Variants in ANLN observed in about 807,000 individuals in gnomAD.
ANLN encodes anillin.
A neutral mutation model predicts 135.1 loss-of-function variants in ANLN; 59 were observed. The observed-to-expected ratio is 0.44, with a 90% CI of 0.35 to 0.54. ANLN has a LOEUF of 0.54. Among genes scored for constraint, ANLN ranks in the 20% least tolerant of loss-of-function variants. The pLI, the probability that ANLN is intolerant of heterozygous loss-of-function variation, is 0.00. For synonymous variants in ANLN, 406 were observed against 456.4 expected (o/e 0.89, Z 1.41); for missense variants, 1,182 against 1,340.0 (o/e 0.88, Z 1.84).
chr7:36,405,292 A>T (rs1171894598), intron 3 of ANLN, among the ~76,000 whole-genome samples: 2 of 152,232 alleles, frequency 1.3e-5, no homozygotes, highest in East Asian at 3.8e-4. Context: ...ATGTACACAT[A>T]ACAAAATCAC....
At chr7:36,404,252 G>A (rs532655062) in intron 3 of ANLN, among the ~76,000 whole-genome samples, 1 of 152,156 alleles carries the variant, frequency 6.6e-6, no homozygotes, top group African/African-American at 2.4e-5. Context: ...TTACAGGCAC[G>A]GGCCCTTTGC....
rs747777773 is a variant in ANLN, at chr7:36,415,746, C to T, written c.1396-12C>T. On this transcript the variant is annotated splice_polypyrimidine_tract_variant and intron_variant, in intron 7 of 23. Coordinates refer to ENST00000265748, the MANE Select transcript of ANLN (RefSeq NM_018685.5). The stretch of plus-strand genomic sequence containing the variant: ...TGAGAAATAAAATTTACTTTTCATT[C>T]GCTTTTTGCAGGAAACTCACTGTCA... The T allele has an allele frequency of 8.9e-6, 14 of 1,566,382 alleles. No homozygotes were observed. In the Admixed American group the frequency reaches 1.7e-4, roughly 19 times the overall value.
intron 20 of ANLN, among the ~76,000 whole-genome samples, chr7:36,431,306 T>C (rs7789266): frequency 0.1 from 15,878 of 152,038 alleles, 977 homozygotes; most frequent in East Asian, 0.22. Flanking sequence ...TTTATACTTT[T>C]TGTCTTAGAA....
In ANLN at chr7:36,452,774, T is replaced by C. The variant is rs903435877; in HGVS notation, c.*174T>C. 1.6e-6 allele frequency: 1 copy of C among 626,536 alleles called. No individual in the cohort carries two copies. The highest frequency in any genetic ancestry group is 1.8e-5 in the African/African-American group (1 of 54,640). The allele number at this position is 626,536 out of a possible 1,614,324, so 38.8% of individuals were successfully genotyped here. A position where few individuals can be genotyped will look rare whatever the true frequency, so the allele number is the denominator to read the frequency against. Reference sequence around the variant, plus strand: ...TTTGTATGTAAAACTTTAACTGATTTCTGTCATTCATCAATGAGTAGAAGT... The same window carrying C: ...TTTGTATGTAAAACTTTAACTGATTCCTGTCATTCATCAATGAGTAGAAGT... On this transcript the variant is annotated 3_prime_UTR_variant, in exon 24 of 24. Coordinates refer to ENST00000265748, the MANE Select transcript of ANLN (RefSeq NM_018685.5).
intron 4 of ANLN, 164 bp from the exon 5 acceptor site, chr7:36,407,570 T>TC: frequency 6.8e-6 from 4 of 590,898 alleles, no homozygotes; most frequent in Non-Finnish European, 1.2e-5. Flanking sequence ...TGGTTTTTTT[T>TC]CCCAAATCTT....
At chr7:36,390,240 G>A in intron 1 of ANLN, 196 bp downstream of exon 1, 1 of 824,650 alleles carries the variant, frequency 1.2e-6, no homozygotes. Flanking sequence ...TTGTTGTTTC[G>A]GTCCTACAGA....
intron 9 of ANLN, among the ~76,000 whole-genome samples, chr7:36,417,726 A>G (rs1787706056): frequency 7.5e-6 from 1 of 132,830 alleles, no homozygotes; most frequent in South Asian, 2.3e-4. Context: ...CGCCCAGACT[A>G]GAGTGCAGTG....
In ANLN at chr7:36,448,360, A is replaced by C. The variant is rs76983060; in HGVS notation, c.3079-1305A>C. 2.7e-4 allele frequency among the ~76,000 whole-genome samples: 41 copies of C among 152,360 alleles called. No individual in the cohort carries two copies. The East Asian group carries it at 6.5e-3, about 24-fold the overall frequency. The stretch of plus-strand genomic sequence containing the variant: ...GAAAATGTTCAAATGTACACAAAGC[A>C]AAAATAGTATAATGAACTTTCAGCT... On this transcript the variant is annotated intron_variant, in intron 22 of 23. Transcript: ENST00000265748.
chr7:36,427,194 T>G (rs1294740644), intron 20 of ANLN, among the ~76,000 whole-genome samples, 166 bp downstream of exon 20: 1 of 151,894 alleles, frequency 6.6e-6, no homozygotes, highest in East Asian at 1.9e-4. Flanking sequence ...TAAATGTTTT[T>G]TTTTTTTTTT....
At chr7:36,437,195 A>G (rs984268224) in intron 20 of ANLN, among the ~76,000 whole-genome samples, 2 of 152,122 alleles carry the variant, frequency 1.3e-5, no homozygotes, top group African/African-American at 4.8e-5. Flanking sequence ...TGCTTCTATG[A>G]GGTTGGCTAC....
chr7:36,444,584 G>A lies in ANLN; in HGVS notation c.3078+722G>A, dbSNP rs1411319637. On this transcript the variant is annotated intron_variant, in intron 22 of 23. Coordinates refer to ENST00000265748, the MANE Select transcript of ANLN (RefSeq NM_018685.5). ...TTCTAAAATTTAATAATAGGATTTT[G>A]TGTAATATATCATGTTTTTAAAGAA... Among the ~76,000 whole-genome samples the A allele has an allele frequency of 3.9e-5, 6 of 152,176 alleles. No individual in the cohort carries two copies. The East Asian group carries it at 1.2e-3, about 29-fold the overall frequency.
chr7:36,445,161 C>CTTTTTTT lies in ANLN; in HGVS notation c.3078+1320_3078+1326dup, dbSNP rs70977145. 2.2e-4 allele frequency among the ~76,000 whole-genome samples: 13 copies of CTTTTTTT among 57,822 alleles called. 3 individuals carry two copies. Among genetic ancestry groups the CTTTTTTT allele is most frequent in the African/African-American group, 4.8e-4 (7 of 14,670 alleles). The allele number at this position is 57,822 out of a possible 152,430, so 37.9% of individuals were successfully genotyped here. ...TTAGAGGCGTTTCAGATTTGGGATT[C>CTTTTTTT]TTTTTTTTTTTTTTTTTTTTTTTTT... On this transcript the variant is annotated intron_variant, in intron 22 of 23. Coordinates refer to ENST00000265748, the MANE Select transcript of ANLN (RefSeq NM_018685.5).
chr7:36,424,606 A>C lies in ANLN; in HGVS notation c.2652+13A>C. 3.1e-6 allele frequency: 5 copies of C among 1,600,810 alleles called. No individual in the cohort carries two copies. Among genetic ancestry groups the C allele is most frequent in the Non-Finnish European group, 4.3e-6 (5 of 1,173,308 alleles). ...AGTTTACAGCTTGGTAAGCTGATAAAGCCTTCTAAAATAATGAAGAGTATA... is the reference window on the plus strand; with the variant it reads ...AGTTTACAGCTTGGTAAGCTGATAACGCCTTCTAAAATAATGAAGAGTATA... On this transcript the variant is annotated intron_variant, in intron 16 of 23. Coordinates refer to ENST00000265748, the MANE Select transcript of ANLN (RefSeq NM_018685.5).
rs370006889 is a variant in ANLN, at chr7:36,411,063, G to T, written c.1292G>T (p.Arg431Leu). 1.2e-6 allele frequency: 2 copies of T among 1,604,314 alleles called. No homozygotes were observed. The highest frequency in any genetic ancestry group is 1.7e-6 in the Non-Finnish European group (2 of 1,177,824). Residue 431 changes from arginine (R) to leucine (L), a missense_variant, in exon 7 of 24, where the codon CGT (arginine) becomes CTT (leucine). Around this residue, in one of 3 missense-constraint regions of ANLN, gnomAD observed 1,022 missense variants for 1,134.0 expected, o/e 0.90. Coordinates refer to ENST00000265748, the MANE Select transcript of ANLN (RefSeq NM_018685.5). ...TACAGCTTTTGATGGGTTTAGGAAC[G>T]TCAAAAAGAACTAGCATGTCTTCGT... ...THLAQQLKQE[R>L]QKELACLRGR...
At chr7:36,415,736 A>G (rs1787611556) in intron 7 of ANLN, 22 bp from the exon 8 acceptor site, 2 of 1,563,242 alleles carry the variant, frequency 1.3e-6, no homozygotes, top group Non-Finnish European at 1.7e-6. Context: ...AATAAAATTT[A>G]CTTTTCATTC....
intron 23 of ANLN, among the ~76,000 whole-genome samples, chr7:36,450,561 A>G (rs564051724): frequency 1.2e-3 from 176 of 152,342 alleles, no homozygotes; most frequent in African/African-American, 4.0e-3. Flanking sequence ...GAGACACAAT[A>G]CTAAAATAGA....
intron 4 of ANLN, among the ~76,000 whole-genome samples, chr7:36,406,853 A>C (rs1787213131): frequency 6.6e-6 from 1 of 152,162 alleles, no homozygotes; most frequent in Admixed American, 6.5e-5. Context: ...CATTAAGGAG[A>C]GCACTGAAAA....
intron 20 of ANLN, among the ~76,000 whole-genome samples, chr7:36,435,251 A>G (rs1159275756): frequency 1.3e-5 from 2 of 152,216 alleles, no homozygotes; most frequent in African/African-American, 2.4e-5. Context: ...ACTCCCATCT[A>G]GTCAATCCCA....
chr7:36,413,400 T>G (rs1469525905), intron 7 of ANLN, among the ~76,000 whole-genome samples: 3 of 152,174 alleles, frequency 2.0e-5, no homozygotes, highest in Admixed American at 6.5e-5. Flanking sequence ...TTCAGTTGAT[T>G]AGTAGCATTT....
Sources: allele counts gnomAD v4.1 joint callset (sites outside exome capture counted in the v4.1 genomes callset), GRCh38; gene constraint gnomAD v4.1.1; regional missense constraint gnomAD v4.1.1; transcripts MANE v1.5; gene names NCBI Gene and HGNC (gene_info 2026-07-23, HGNC 2026-07-21).